The following CRISPLD2 variants were observed in gnomAD, a reference collection of about 807,000 sequenced individuals.
CRISPLD2 encodes cysteine rich secretory protein LCCL domain containing 2.
CRISPLD2 carries 47 observed loss-of-function variants against 71.1 expected under a neutral mutation model. The observed-to-expected ratio is 0.66, with a 90% confidence interval of 0.52 to 0.84. The LOEUF (loss-of-function observed/expected upper bound fraction) is 0.84. CRISPLD2 is among the 40% of genes least tolerant of loss of function. The pLI is 0.00. For missense variants in CRISPLD2, 830 were observed against 651.1 expected, an observed-to-expected ratio of 1.27 and a Z score of -2.99; for synonymous variants, 317 against 250.1, an observed-to-expected ratio of 1.27 and a Z score of -2.52.
rs1484848339 is a variant in CRISPLD2, at chr16:84,906,590, TG to T, written c.1446del (p.Thr483LeufsTer52). ...GCCCTCTTTCTTCTTTTTTTCAGCC[TG>T]GGGACTCCTCGGGATGGAAAGGCCT... ...SLRNGVQSES[L>X]GTPRDGKAFR... is the part of the protein sequence containing the mutation. On this transcript the variant is annotated frameshift_variant, in exon 15 of 15. Coordinates refer to ENST00000262424, the MANE Select transcript of CRISPLD2 (RefSeq NM_031476.4). LOFTEE classifies it high-confidence loss of function. 1 of 1,612,734 alleles carries T rather than the reference TG, an allele frequency of 6.2e-7. No individual in the cohort carries two copies. Among genetic ancestry groups the T allele is most frequent in the Non-Finnish European group, 8.5e-7 (1 of 1,179,994 alleles).
At chr16:84,858,008 G>A (rs972206993) in intron 6 of CRISPLD2, among the ~76,000 whole-genome samples, 1 of 152,136 alleles carries the variant, frequency 6.6e-6, no homozygotes, top group Admixed American at 6.5e-5. Context: ...ATAGTCAAAC[G>A]TTCAGTTTCC....
chr16:84,870,434 C>G (rs1261843663), intron 8 of CRISPLD2, among the ~76,000 whole-genome samples: 1 of 151,994 alleles, frequency 6.6e-6, no homozygotes, highest in Non-Finnish European at 1.5e-5. Flanking sequence ...ATTCTCCCAC[C>G]TCAGCCTCCC....
rs1314013984 is a variant in CRISPLD2, at chr16:84,908,706, C to T, written c.*2064C>T. The T allele has an allele frequency of 4.7e-5, 6 of 126,802 alleles. No individual in the cohort carries two copies. The highest frequency in any genetic ancestry group is 1.8e-4 in the African/African-American group (6 of 32,620). The allele number at this position is 126,802 out of a possible 1,614,324, so 7.9% of individuals were successfully genotyped here. ...TTTTTTTTTTTTTTTTTTTTTTTCC[C>T]GAGACCAAGTTTCACTCTGTTGCCC... On this transcript the variant is annotated 3_prime_UTR_variant, in exon 15 of 15. Coordinates refer to ENST00000262424, the MANE Select transcript of CRISPLD2 (RefSeq NM_031476.4).
intron 12 of CRISPLD2, among the ~76,000 whole-genome samples, chr16:84,878,891 A>G (rs1216105849): frequency 6.6e-6 from 1 of 152,220 alleles, no homozygotes; most frequent in African/African-American, 2.4e-5. Flanking sequence ...AGAATTAGAA[A>G]TAGAATGACA....
rs570566872 is a variant in CRISPLD2 at position 84,832,529 on chromosome 16, C to T, written c.-74-5893C>T. Among the ~76,000 whole-genome samples, 6 of 152,390 alleles carry T rather than the reference C, an allele frequency of 3.9e-5. No homozygotes were observed. In the East Asian group the frequency reaches 5.8e-4, roughly 15 times the overall value. The stretch of plus-strand genomic sequence containing the variant: ...TATCAAACACTGACTTAGACATCGA[C>T]GCTTCGGCGGTGAACGAGACCCGCA... On this transcript the variant is annotated intron_variant, in intron 1 of 14. Transcript: ENST00000262424.
chr16:84,878,470 C>T (rs1469466282), intron 12 of CRISPLD2, among the ~76,000 whole-genome samples: 9 of 150,168 alleles, frequency 6.0e-5, no homozygotes, highest in African/African-American at 2.0e-4. Flanking sequence ...TCTCACTCTG[C>T]GTCATGTGTT....
intron 2 of CRISPLD2, among the ~76,000 whole-genome samples, chr16:84,841,562 GT>G (rs765692151): frequency 6.6e-6 from 1 of 151,734 alleles, no homozygotes; most frequent in South Asian, 2.1e-4. Flanking sequence ...AAGAAACAGG[GT>G]TTTTTTGCGG....
intron 1 of CRISPLD2, among the ~76,000 whole-genome samples, chr16:84,836,811 G>T (rs968827224): frequency 2.0e-5 from 3 of 152,190 alleles, no homozygotes; most frequent in African/African-American, 7.2e-5. Context: ...TGCTATGGGG[G>T]TGAAGACCAG....
At chr16:84,829,998 A>T (rs1209578581) in intron 1 of CRISPLD2, among the ~76,000 whole-genome samples, 1 of 152,210 alleles carries the variant, frequency 6.6e-6, no homozygotes. Context: ...GCCAGCTTGG[A>T]CTGGCTCATA....
intron 4 of CRISPLD2, 71 bp from the exon 5 acceptor site, chr16:84,850,497 T>C: frequency 7.7e-7 from 1 of 1,300,466 alleles, no homozygotes; most frequent in African/African-American, 1.4e-5. Flanking sequence ...ACCTTATACA[T>C]CCAGGCCAAA....
chr16:84,871,464 A>G (rs1161495991), intron 8 of CRISPLD2, among the ~76,000 whole-genome samples: 3 of 151,544 alleles, frequency 2.0e-5, no homozygotes, highest in Non-Finnish European at 4.4e-5. Context: ...ACCTGAGCCC[A>G]GGAAGTTGAG....
intron 1 of CRISPLD2, among the ~76,000 whole-genome samples, chr16:84,835,463 G>C (rs1010877145): frequency 1.3e-5 from 2 of 152,166 alleles, no homozygotes; most frequent in African/African-American, 4.8e-5. Flanking sequence ...ATCTGGAGGA[G>C]CCTCATCCCC....
intron 6 of CRISPLD2, among the ~76,000 whole-genome samples, chr16:84,859,050 G>T (rs910084732): frequency 2.0e-5 from 3 of 152,218 alleles, no homozygotes; most frequent in South Asian, 2.1e-4. Flanking sequence ...AATCTCTGCA[G>T]TCCCTCCAGG....
At chr16:84,861,008 T>C (rs1917364205) in intron 6 of CRISPLD2, among the ~76,000 whole-genome samples, 1 of 152,224 alleles carries the variant, frequency 6.6e-6, no homozygotes, top group South Asian at 2.1e-4. Flanking sequence ...ATTATGTTCC[T>C]TGGTTCTCCA....
intron 6 of CRISPLD2, among the ~76,000 whole-genome samples, chr16:84,863,999 AAAG>A (rs1315185561): frequency 6.7e-6 from 1 of 149,872 alleles, no homozygotes; most frequent in Non-Finnish European, 1.5e-5. Context: ...AGAGAAAAAA[AAAG>A]AAAAGAAAAG....
At chr16:84,829,408 C>CG (rs1030138438) in intron 1 of CRISPLD2, among the ~76,000 whole-genome samples, 19 of 152,292 alleles carry the variant, frequency 1.2e-4, no homozygotes, top group African/African-American at 4.1e-4. Flanking sequence ...GAGACACAAA[C>CG]GGGGGGAGTG....
chr16:84,865,347 G>C (rs910545791), intron 6 of CRISPLD2, among the ~76,000 whole-genome samples: 3 of 152,038 alleles, frequency 2.0e-5, no homozygotes, highest in African/African-American at 4.8e-5. Context: ...GTAGAGACAG[G>C]GTTTCACCCT....
intron 1 of CRISPLD2, among the ~76,000 whole-genome samples, chr16:84,823,399 G>A (rs1029451806): frequency 6.6e-6 from 1 of 152,158 alleles, no homozygotes; most frequent in African/African-American, 2.4e-5. Context: ...TGGGTCATAT[G>A]GTAACTTTAT....
At chr16:84,827,138 C>T (rs1388347207) in intron 1 of CRISPLD2, among the ~76,000 whole-genome samples, 1 of 151,170 alleles carries the variant, frequency 6.6e-6, no homozygotes. Context: ...ACTGCCCCCG[C>T]ACCCCCCAAG....
Sources: gnomAD v4.1 joint callset for allele counts (sites outside exome capture counted in the v4.1 genomes callset) on GRCh38, gnomAD v4.1.1 for gene constraint, MANE v1.5 for transcripts, NCBI Gene and HGNC (gene_info 2026-07-23, HGNC 2026-07-21) for gene names.